The following SMCHD1 variants were observed in gnomAD, a reference collection of about 807,000 sequenced individuals.
SMCHD1 encodes the protein structural maintenance of chromosomes flexible hinge domain-containing protein 1.
In SMCHD1, 78 loss-of-function variants were observed where a neutral mutation model predicts 254.7. The observed-to-expected ratio is 0.31, with a 90% confidence interval of 0.26 to 0.37. The LOEUF (loss-of-function observed/expected upper bound fraction) is 0.37, where lower values mean the gene tolerates loss of function less well. SMCHD1 is among the 10% of genes least tolerant of loss of function. SMCHD1 has a pLI of 1.00. For synonymous variants in SMCHD1, 766 were observed against 794.9 expected (o/e 0.96, Z 0.61); for missense variants, 1,840 against 2,408.1 (o/e 0.76, Z 4.94).
At position 2,707,802 on chromosome 18, in the gene SMCHD1, C is replaced by T. The variant is rs184984483; in HGVS notation, c.2147-5C>T. On this transcript the variant is annotated splice_region_variant and splice_polypyrimidine_tract_variant and intron_variant, in intron 16 of 47. Transcript: ENST00000320876. Reference sequence around the variant, plus strand: ...ATTAAGATACTTTTAATTTTTGACTCATAGGTGCGTTAAGAATTGAAATAC... The same window carrying T: ...ATTAAGATACTTTTAATTTTTGACTTATAGGTGCGTTAAGAATTGAAATAC... 1.1e-4 allele frequency: 182 copies of T among 1,590,462 alleles called. No homozygotes were observed. In the East Asian group the frequency reaches 3.8e-3, roughly 33 times the overall value.
chr18:2,714,308 T>C (rs1463177245), intron 17 of SMCHD1, among the ~76,000 whole-genome samples: 1 of 152,204 alleles, frequency 6.6e-6, no homozygotes, highest in Admixed American at 6.5e-5. Context: ...TCACTTTTGG[T>C]TTCTGTTTGC....
intron 37 of SMCHD1, among the ~76,000 whole-genome samples, chr18:2,766,282 C>T (rs147219332): frequency 0.018 from 2,735 of 152,328 alleles, 39 homozygotes; most frequent in Middle Eastern, 0.097. Flanking sequence ...CGTGAGCCGC[C>T]GTGCCCGGCC....
At chr18:2,707,708 A>G in intron 16 of SMCHD1, 63 bp downstream of exon 16, 2 of 1,471,440 alleles carry the variant, frequency 1.4e-6, no homozygotes, top group Non-Finnish European at 1.9e-6. Flanking sequence ...CATTTCCAAT[A>G]TGTAAAAGGT....
At chr18:2,735,820 A>G (rs1396503745) in intron 25 of SMCHD1, among the ~76,000 whole-genome samples, 4 of 152,152 alleles carry the variant, frequency 2.6e-5, no homozygotes, top group Non-Finnish European at 4.4e-5. Flanking sequence ...AGTCAGAAGA[A>G]CTAGTACTGC....
chr18:2,755,565 CTTTTTTTT>C (rs11413061), intron 34 of SMCHD1, among the ~76,000 whole-genome samples: 1 of 108,140 alleles, frequency 9.2e-6, no homozygotes, highest in Non-Finnish European at 1.8e-5. Context: ...TTCTTTCTTT[CTTTTTTTT>C]TTTTTTTTTT....
At chr18:2,703,307 C>T (rs1045135992) in intron 12 of SMCHD1, among the ~76,000 whole-genome samples, 2 of 152,204 alleles carry the variant, frequency 1.3e-5, no homozygotes, top group South Asian at 2.1e-4. Flanking sequence ...AGATTTTTAT[C>T]GTCCCATTGA....
At chr18:2,791,681 TAGAG>T (rs1049035752) in intron 45 of SMCHD1, among the ~76,000 whole-genome samples, 4 of 152,170 alleles carry the variant, frequency 2.6e-5, no homozygotes, top group African/African-American at 9.7e-5. Flanking sequence ...GCTTACTGCC[TAGAG>T]AGATTTTCCA....
chr18:2,692,365 T>C (rs896081770), intron 7 of SMCHD1, among the ~76,000 whole-genome samples: 2 of 152,118 alleles, frequency 1.3e-5, no homozygotes, highest in African/African-American at 4.8e-5. Flanking sequence ...CTGGGCAACA[T>C]TGAGAGACCA....
chr18:2,662,667 C>CAAAAAAAAAAAA (rs745838636), intron 1 of SMCHD1, among the ~76,000 whole-genome samples: 13 of 35,636 alleles, frequency 3.6e-4, no homozygotes, highest in Non-Finnish European at 4.5e-4. Flanking sequence ...AACAAAAAAC[C>CAAAAAAAAAAAA]AAAAAAAAAA....
chr18:2,769,629 C>CTA (rs909520906), intron 37 of SMCHD1, 65 bp from the exon 38 acceptor site: 2 of 1,500,804 alleles, frequency 1.3e-6, no homozygotes, highest in Admixed American at 4.1e-5. Flanking sequence ...AGTTATGTAA[C>CTA]ATTTATATGT....
intron 14 of SMCHD1, among the ~76,000 whole-genome samples, chr18:2,706,016 A>G (rs986054904): frequency 1.3e-5 from 2 of 152,190 alleles, no homozygotes; most frequent in Non-Finnish European, 2.9e-5. Context: ...ACATATATAC[A>G]TTATAACTAG....
At chr18:2,780,977 G>T (rs574079192) in intron 44 of SMCHD1, among the ~76,000 whole-genome samples, 1 of 152,342 alleles carries the variant, frequency 6.6e-6, no homozygotes, top group African/African-American at 2.4e-5. Context: ...ATTCTAAGTG[G>T]AAGTGGGAAC....
intron 1 of SMCHD1, among the ~76,000 whole-genome samples, chr18:2,661,673 T>C (rs990804059): frequency 1.3e-5 from 2 of 152,146 alleles, no homozygotes; most frequent in African/African-American, 4.8e-5. Context: ...CAGGCAATAC[T>C]GGATACAATT....
intron 17 of SMCHD1, among the ~76,000 whole-genome samples, chr18:2,711,725 G>A (rs940582822): frequency 4.6e-5 from 7 of 151,660 alleles, no homozygotes; most frequent in South Asian, 2.1e-4. Flanking sequence ...CTCGTGATCC[G>A]CCCGCCTCGG....
chr18:2,697,317 T>C (rs147527232), intron 9 of SMCHD1, 195 bp downstream of exon 9: 1 of 402,368 alleles, frequency 2.5e-6, no homozygotes, highest in Non-Finnish European at 4.5e-6. Context: ...CTTTATTTAC[T>C]GTAGGCTTGG....
chr18:2,690,026 A>T (rs1380073951), intron 7 of SMCHD1, among the ~76,000 whole-genome samples: 3 of 152,070 alleles, frequency 2.0e-5, no homozygotes, highest in African/African-American at 7.2e-5. Context: ...AACAATAAAA[A>T]ATTTTTAAAA....
At chr18:2,690,010 C>A (rs2074140123) in intron 7 of SMCHD1, among the ~76,000 whole-genome samples, 2 of 151,938 alleles carry the variant, frequency 1.3e-5, no homozygotes, top group African/African-American at 4.8e-5. Flanking sequence ...GCAAGACTGT[C>A]TCAAAAACAA....
intron 37 of SMCHD1, 126 bp from the exon 38 acceptor site, chr18:2,769,568 C>A (rs1214526145): frequency 3.2e-6 from 3 of 933,168 alleles, no homozygotes; most frequent in Non-Finnish European, 4.9e-6. Context: ...TAAGGATCAG[C>A]CTATGCCTTT....
intron 35 of SMCHD1, among the ~76,000 whole-genome samples, 199 bp downstream of exon 35, chr18:2,760,938 A>C (rs565796520): frequency 6.6e-6 from 1 of 152,306 alleles, no homozygotes; most frequent in East Asian, 1.9e-4. Context: ...AATATGTTTA[A>C]ATTTGTTCAA....
Sources: allele counts gnomAD v4.1 joint callset (sites outside exome capture counted in the v4.1 genomes callset), GRCh38; gene constraint gnomAD v4.1.1; transcripts MANE v1.5; gene names NCBI Gene and HGNC (gene_info 2026-07-23, HGNC 2026-07-21).